The following ENOX1 variants were observed in gnomAD, a reference collection of about 807,000 sequenced individuals.
The protein encoded by ENOX1 is candidate growth-related and time keeping constitutive hydroquinone (NADH) oxidase.
Under a neutral mutation model 82.5 loss-of-function variants are expected in ENOX1, and 42 were observed. That is an observed-to-expected ratio of 0.51 (90% CI 0.40 to 0.66). ENOX1 has a LOEUF of 0.66. ENOX1 is among the 30% of genes least tolerant of loss of function. The probability of loss-of-function intolerance (pLI) is 0.00; values close to 1 mark genes in which losing one functional copy is unlikely to be tolerated. For synonymous variants in ENOX1, 271 were observed against 282.2 expected (o/e 0.96, Z 0.40); for missense variants, 608 against 811.6 (o/e 0.75, Z 3.05).
At chr13:43,650,443 G>T (rs1718447015) in intron 2 of ENOX1, among the ~76,000 whole-genome samples, 1 of 152,128 alleles carries the variant, frequency 6.6e-6, no homozygotes, top group South Asian at 2.1e-4. Context: ...TAGTATACTT[G>T]TTTTTTGTGT....
chr13:43,782,323 C>T (rs1289899021), intron 1 of ENOX1, among the ~76,000 whole-genome samples: 2 of 152,070 alleles, frequency 1.3e-5, no homozygotes, highest in African/African-American at 4.8e-5. Flanking sequence ...GAAACATAAC[C>T]TTTAAATTCA....
intron 5 of ENOX1, among the ~76,000 whole-genome samples, chr13:43,370,837 T>A (rs2051188326): frequency 6.6e-6 from 1 of 152,104 alleles, no homozygotes; most frequent in African/African-American, 2.4e-5. Context: ...CCTCATTCGC[T>A]CTCATCTGGA....
At chr13:43,270,391 A>G (rs1274217575) in intron 12 of ENOX1, among the ~76,000 whole-genome samples, 1 of 152,224 alleles carries the variant, frequency 6.6e-6, no homozygotes. Flanking sequence ...GTTCGAAAAG[A>G]CAGAGTGCAT....
At chr13:43,620,089 A>C (rs1274216241) in intron 2 of ENOX1, among the ~76,000 whole-genome samples, 2 of 152,044 alleles carry the variant, frequency 1.3e-5, no homozygotes, top group Non-Finnish European at 2.9e-5. Flanking sequence ...CTGTGGTGTC[A>C]GTTGTAATAT....
At chr13:43,649,131 C>T (rs2084033249) in intron 2 of ENOX1, among the ~76,000 whole-genome samples, 2 of 152,200 alleles carry the variant, frequency 1.3e-5, no homozygotes. Context: ...AAACAGGCCA[C>T]TCAATTCATT....
chr13:43,253,448 G>A (rs1439649464), intron 14 of ENOX1, among the ~76,000 whole-genome samples: 5 of 152,222 alleles, frequency 3.3e-5, no homozygotes, highest in Non-Finnish European at 7.3e-5. Flanking sequence ...GCCCTTTGCA[G>A]CACTGCAGAA....
At chr13:43,405,136 G>A (rs1594374932) in intron 5 of ENOX1, among the ~76,000 whole-genome samples, 2 of 152,324 alleles carry the variant, frequency 1.3e-5, no homozygotes, top group Non-Finnish European at 2.9e-5. Flanking sequence ...GAGTGTATTT[G>A]TAAGCTGAAG....
At chr13:43,327,554 T>G (rs9567150) in intron 9 of ENOX1, among the ~76,000 whole-genome samples, 12 of 152,344 alleles carry the variant, frequency 7.9e-5, no homozygotes, top group Admixed American at 7.8e-4. Flanking sequence ...ATTAATCATA[T>G]GATTAAACCT....
At chr13:43,343,209 T>C (rs2049169396) in intron 9 of ENOX1, among the ~76,000 whole-genome samples, 1 of 152,244 alleles carries the variant, frequency 6.6e-6, no homozygotes, top group Non-Finnish European at 1.5e-5. Flanking sequence ...CAGTTCACTC[T>C]TACCTTCCCT....
At chr13:43,260,442 A>C (rs1426899662) in intron 14 of ENOX1, among the ~76,000 whole-genome samples, 1 of 152,196 alleles carries the variant, frequency 6.6e-6, no homozygotes, top group Non-Finnish European at 1.5e-5. Context: ...TAGCAACTTT[A>C]CTATAACAGA....
rs941562358 is a variant in ENOX1 at position 43,598,505 on chromosome 13, C to T, written c.-219+68974G>A. On this transcript the variant is annotated intron_variant, in intron 2 of 16. Coordinates refer to ENST00000690772, the MANE Select transcript of ENOX1 (RefSeq NM_001347969.2). ...TAGAAAGCGTGGCCATTTTCCTGAA[C>T]CTACTCCATCTGTTCCTAACGGGGG... Among the ~76,000 whole-genome samples the T allele has an allele frequency of 5.2e-4, 79 of 152,262 alleles. 1 individual carries two copies. The highest frequency in any genetic ancestry group is 1.8e-3 in the African/African-American group (75 of 41,560).
chr13:43,534,687 G>T (rs543608954), intron 2 of ENOX1, among the ~76,000 whole-genome samples: 2 of 152,258 alleles, frequency 1.3e-5, no homozygotes, highest in South Asian at 4.1e-4. Flanking sequence ...CTTCAGTCCA[G>T]TATTTGTCAA....
At chr13:43,722,778 T>C (rs1046178105) in intron 1 of ENOX1, among the ~76,000 whole-genome samples, 48 of 152,162 alleles carry the variant, frequency 3.2e-4, no homozygotes, top group Admixed American at 3.1e-3. Context: ...GCCAACCACC[T>C]TCCACTGAAT....
chr13:43,733,417 C>T (rs1205453598), intron 1 of ENOX1, among the ~76,000 whole-genome samples: 3 of 152,134 alleles, frequency 2.0e-5, no homozygotes, highest in Non-Finnish European at 4.4e-5. Context: ...AGATAATAAC[C>T]TCTATGCACA....
chr13:43,711,826 T>C (rs1210743784), intron 1 of ENOX1, among the ~76,000 whole-genome samples: 1 of 150,844 alleles, frequency 6.6e-6, no homozygotes, highest in African/African-American at 2.4e-5. Context: ...TATTAGCCCT[T>C]TGTCAGATGA....
intron 3 of ENOX1, among the ~76,000 whole-genome samples, chr13:43,441,272 A>G (rs1287542759): frequency 6.6e-6 from 1 of 152,226 alleles, no homozygotes; most frequent in East Asian, 1.9e-4. Flanking sequence ...CCCATGACTT[A>G]TAAGAAAAAA....
chr13:43,246,740 A>C (rs1249125303), intron 14 of ENOX1, among the ~76,000 whole-genome samples: 4 of 152,202 alleles, frequency 2.6e-5, no homozygotes, highest in Non-Finnish European at 5.9e-5. Flanking sequence ...GGCCACATGC[A>C]GGATTGGCTG....
At position 43,248,046 on chromosome 13, in the gene ENOX1, T is replaced by C. The variant is rs540809034; in HGVS notation, c.1612-11308A>G. On this transcript the variant is annotated intron_variant, in intron 14 of 16. Coordinates refer to ENST00000690772, the MANE Select transcript of ENOX1 (RefSeq NM_001347969.2). ...GACTACAGGCGCCCGCCACTACGCCTGTCTAATTTTTTGTATTTTTAGTAG... is the reference window on the plus strand; with the variant it reads ...GACTACAGGCGCCCGCCACTACGCCCGTCTAATTTTTTGTATTTTTAGTAG... 6.3e-4 allele frequency among the ~76,000 whole-genome samples: 94 copies of C among 148,904 alleles called. 1 individual carries two copies. Among genetic ancestry groups the C allele is most frequent in the African/African-American group, 2.2e-3 (89 of 40,622 alleles).
intron 14 of ENOX1, among the ~76,000 whole-genome samples, chr13:43,238,201 G>A (rs2042642231): frequency 6.6e-6 from 1 of 152,166 alleles, no homozygotes; most frequent in African/African-American, 2.4e-5. Context: ...GGAGCCAGCT[G>A]TACATCAAAG....
Sources: gnomAD v4.1 joint callset for allele counts (sites outside exome capture counted in the v4.1 genomes callset) on GRCh38, gnomAD v4.1.1 for gene constraint, MANE v1.5 for transcripts, NCBI Gene and HGNC (gene_info 2026-07-23, HGNC 2026-07-21) for gene names.